The following GPR158 variants were observed in gnomAD, a reference collection of about 807,000 sequenced individuals.
GPR158 encodes the protein G protein-coupled receptor 158, also known as metabotropic glycine receptor.
Under a neutral mutation model 78.2 loss-of-function variants are expected in GPR158, and 30 were observed. The ratio of observed to expected loss-of-function variants is 0.38; its 90% confidence interval spans 0.29 to 0.52. The LOEUF is 0.52. GPR158 is among the 20% of genes least tolerant of loss of function. GPR158 has a pLI of 0.83. For synonymous variants in GPR158, 581 were observed against 591.1 expected (o/e 0.98, Z 0.25); for missense variants, 1,463 against 1,523.5 (o/e 0.96, Z 0.66).
At position 25,180,105 on chromosome 10, in the gene GPR158, A is replaced by G. The variant is rs147526585; in HGVS notation, c.902+3783A>G. On this transcript the variant is annotated intron_variant, in intron 1 of 10. Coordinates refer to ENST00000376351, the MANE Select transcript of GPR158 (RefSeq NM_020752.3). Reference sequence around the variant, plus strand: ...AATTCCTTTAAAGAATTAATTCTCGATGAGCCTGAGAGGGAATTTGGAATT... The same window carrying G: ...AATTCCTTTAAAGAATTAATTCTCGGTGAGCCTGAGAGGGAATTTGGAATT... Among the ~76,000 whole-genome samples, 102 of 152,258 alleles carry G rather than the reference A, an allele frequency of 6.7e-4. 1 individual carries two copies. The highest frequency in any genetic ancestry group is 2.4e-3 in the African/African-American group (100 of 41,552).
intron 5 of GPR158, among the ~76,000 whole-genome samples, chr10:25,527,401 T>G (rs1836364490): frequency 6.6e-6 from 1 of 152,196 alleles, no homozygotes. Context: ...GAATATCCTA[T>G]GACTTCAATT....
chr10:25,470,054 C>T (rs1226362185), intron 5 of GPR158, among the ~76,000 whole-genome samples: 1 of 152,154 alleles, frequency 6.6e-6, no homozygotes, highest in African/African-American at 2.4e-5. Flanking sequence ...AAGCCAACAT[C>T]CTTCCTGTGG....
At chr10:25,298,765 T>C (rs67394115) in intron 2 of GPR158, among the ~76,000 whole-genome samples, 6,565 of 152,292 alleles carry the variant, frequency 0.043, 153 homozygotes, top group African/African-American at 0.052. Context: ...TTTCAAGTCT[T>C]CTACATTTCC....
At chr10:25,368,831 C>A (rs1022429325) in intron 2 of GPR158, among the ~76,000 whole-genome samples, 38 of 144,102 alleles carry the variant, frequency 2.6e-4, no homozygotes, top group Non-Finnish European at 5.2e-4. Context: ...TTGTTTGTAT[C>A]CTCTTTTATT....
At chr10:25,540,045 C>T (rs1588904247) in intron 5 of GPR158, among the ~76,000 whole-genome samples, 2 of 152,120 alleles carry the variant, frequency 1.3e-5, no homozygotes, top group African/African-American at 2.4e-5. Flanking sequence ...GCAACCTACT[C>T]ATCTGACAAA....
chr10:25,379,726 A>G (rs1351169308), intron 2 of GPR158, among the ~76,000 whole-genome samples: 3 of 88,660 alleles, frequency 3.4e-5, no homozygotes, highest in Non-Finnish European at 6.7e-5. Context: ...CCCAAACTTG[A>G]TTTTTTCTTT....
chr10:25,352,759 TTTTG>T (rs1458202905), intron 2 of GPR158, among the ~76,000 whole-genome samples: 2 of 152,058 alleles, frequency 1.3e-5, no homozygotes, highest in African/African-American at 4.8e-5. Flanking sequence ...AACCATTTAA[TTTTG>T]TTTGTTGGTA....
chr10:25,288,757 A>T (rs4747516), intron 2 of GPR158, among the ~76,000 whole-genome samples: 4,947 of 152,298 alleles, frequency 0.032, 290 homozygotes, highest in East Asian at 0.26. Flanking sequence ...TCCAGTGTTT[A>T]TTAATGAGTA....
chr10:25,383,605 G>A (rs535904138), intron 2 of GPR158, among the ~76,000 whole-genome samples: 1 of 152,276 alleles, frequency 6.6e-6, no homozygotes, highest in South Asian at 2.1e-4. Flanking sequence ...AGATTCATTT[G>A]TAAAAATTGT....
intron 4 of GPR158, among the ~76,000 whole-genome samples, chr10:25,431,467 T>G (rs1213595799): frequency 7.1e-6 from 1 of 141,328 alleles, no homozygotes; most frequent in Non-Finnish European, 1.6e-5. Flanking sequence ...CTCAGGGATC[T>G]AGAGCTAGAA....
chr10:25,331,426 C>G (rs1564424348), intron 2 of GPR158, among the ~76,000 whole-genome samples: 1 of 152,142 alleles, frequency 6.6e-6, no homozygotes, highest in Non-Finnish European at 1.5e-5. Flanking sequence ...GAATATCACT[C>G]TTTTCTATAA....
chr10:25,509,557 A>T (rs1588892187), intron 5 of GPR158, among the ~76,000 whole-genome samples: 1 of 152,080 alleles, frequency 6.6e-6, no homozygotes, highest in Non-Finnish European at 1.5e-5. Context: ...CTTGGCTGGG[A>T]TGACTATAAT....
chr10:25,530,911 C>A (rs769330215), intron 5 of GPR158, among the ~76,000 whole-genome samples: 1 of 152,100 alleles, frequency 6.6e-6, no homozygotes, highest in Non-Finnish European at 1.5e-5. Context: ...TAGACCATGT[C>A]CTGAATATTT....
chr10:25,580,913 A>T (rs1432493045), intron 7 of GPR158, among the ~76,000 whole-genome samples: 2 of 113,802 alleles, frequency 1.8e-5, no homozygotes, highest in Admixed American at 8.1e-5. Context: ...TTTTTATTTT[A>T]TTTTATTTTA....
At chr10:25,316,000 C>T (rs1260996641) in intron 2 of GPR158, among the ~76,000 whole-genome samples, 1 of 152,116 alleles carries the variant, frequency 6.6e-6, no homozygotes, top group African/African-American at 2.4e-5. Flanking sequence ...AACAGTTTAG[C>T]TGAATATAAA....
chr10:25,232,138 AAACCT>A (rs1200216993), intron 2 of GPR158, among the ~76,000 whole-genome samples: 5 of 152,168 alleles, frequency 3.3e-5, no homozygotes, highest in African/African-American at 1.2e-4. Context: ...CAGGGGGAAA[AAACCT>A]ACCTATTAAA....
intron 2 of GPR158, among the ~76,000 whole-genome samples, chr10:25,276,338 A>C (rs971164244): frequency 6.6e-6 from 1 of 152,118 alleles, no homozygotes; most frequent in Non-Finnish European, 1.5e-5. Flanking sequence ...ATTTAGAAAA[A>C]CCAAAAAAAC....
intron 5 of GPR158, among the ~76,000 whole-genome samples, chr10:25,512,675 G>T (rs1295215507): frequency 6.7e-6 from 1 of 150,370 alleles, no homozygotes; most frequent in Non-Finnish European, 1.5e-5. Flanking sequence ...ATTTGTCATA[G>T]ATAGCTTTTA....
At chr10:25,454,621 C>T (rs916008346) in intron 4 of GPR158, among the ~76,000 whole-genome samples, 2 of 152,130 alleles carry the variant, frequency 1.3e-5, no homozygotes, top group African/African-American at 4.8e-5. Flanking sequence ...GGTAAAAGAA[C>T]AGTGATTTCA....
Sources: gnomAD v4.1 joint callset for allele counts (sites outside exome capture counted in the v4.1 genomes callset) on GRCh38, gnomAD v4.1.1 for gene constraint, MANE v1.5 for transcripts, NCBI Gene and HGNC (gene_info 2026-07-23, HGNC 2026-07-21) for gene names.